The following CFAP20DC variants were observed in gnomAD, a reference collection of about 807,000 sequenced individuals.
CFAP20DC encodes CFAP20 domain containing, also known as protein CFAP20DC.
Under a neutral mutation model 101.7 loss-of-function variants are expected in CFAP20DC, and 84 were observed. The ratio of observed to expected loss-of-function variants is 0.83; its 90% CI spans 0.69 to 0.99. The LOEUF (loss-of-function observed/expected upper bound fraction) is 0.99. Ranked by LOEUF, CFAP20DC falls within the 50% of genes least tolerant of loss-of-function variation. CFAP20DC has a pLI of 0.00. For missense variants in CFAP20DC, 1,007 were observed against 970.3 expected (o/e 1.04, Z -0.50); for synonymous variants, 359 against 351.2 (o/e 1.02, Z -0.25).
intron 4 of CFAP20DC, among the ~76,000 whole-genome samples, chr3:58,991,993 C>A (rs969991198): frequency 1.5e-4 from 23 of 152,280 alleles, no homozygotes; most frequent in African/African-American, 5.5e-4. Flanking sequence ...ACATAGTAAG[C>A]AAACTATTGT....
intron 12 of CFAP20DC, among the ~76,000 whole-genome samples, chr3:58,855,735 A>C (rs552686925): frequency 1.3e-5 from 2 of 151,446 alleles, no homozygotes; most frequent in South Asian, 4.2e-4. Context: ...TATCACAAGA[A>C]GAAAAAACTA....
chr3:58,840,780 T>A (rs1274884423), intron 13 of CFAP20DC, among the ~76,000 whole-genome samples: 1 of 152,258 alleles, frequency 6.6e-6, no homozygotes, highest in Non-Finnish European at 1.5e-5. Flanking sequence ...CTAGGTGTTC[T>A]ACATGCGCTA....
chr3:58,808,580 G>A (rs1466432688), intron 14 of CFAP20DC, among the ~76,000 whole-genome samples: 1 of 152,158 alleles, frequency 6.6e-6, no homozygotes, highest in East Asian at 1.9e-4. Context: ...AACATGGAAA[G>A]GACCAACCAG....
rs116538130 is a variant in CFAP20DC at position 58,748,311 on chromosome 3, C to T, written c.2332+5458G>A. 9.0e-3 allele frequency among the ~76,000 whole-genome samples: 1,377 copies of T among 152,280 alleles called. 10 individuals are homozygous for T. The highest frequency in any genetic ancestry group is 0.013 in the Admixed American group (193 of 15,298). The stretch of plus-strand genomic sequence containing the variant: ...ATCAACGTTGAGCTATGGGAAAATG[C>T]ATCCCAATTCCAGCAAGGAAAGCTG... On this transcript the variant is annotated intron_variant, in intron 16 of 16. Transcript: ENST00000482387.
intron 15 of CFAP20DC, among the ~76,000 whole-genome samples, 169 bp from the exon 16 acceptor site, chr3:58,754,032 T>A (rs2068754537): frequency 6.6e-6 from 1 of 152,164 alleles, no homozygotes; most frequent in South Asian, 2.1e-4. Context: ...TGTAAATTGG[T>A]TAATATGGAG....
chr3:58,950,584 C>T (rs2089985969), intron 4 of CFAP20DC, among the ~76,000 whole-genome samples: 1 of 152,080 alleles, frequency 6.6e-6, no homozygotes, highest in Non-Finnish European at 1.5e-5. Context: ...TGGAACAGAA[C>T]AGAACTCTCA....
intron 6 of CFAP20DC, among the ~76,000 whole-genome samples, chr3:58,902,220 A>G (rs2083208914): frequency 1.3e-5 from 2 of 152,114 alleles, no homozygotes; most frequent in South Asian, 4.1e-4. Context: ...CTGTTTTCAC[A>G]TTTTGGCTAA....
At chr3:58,813,995 T>G (rs887740136) in intron 14 of CFAP20DC, among the ~76,000 whole-genome samples, 3 of 151,900 alleles carry the variant, frequency 2.0e-5, no homozygotes, top group African/African-American at 7.3e-5. Context: ...GCAAAGGGCC[T>G]AACAGGTTCT....
intron 4 of CFAP20DC, among the ~76,000 whole-genome samples, chr3:59,021,460 GC>G (rs2093801278): frequency 6.6e-6 from 1 of 152,044 alleles, no homozygotes; most frequent in African/African-American, 2.4e-5. Context: ...TAATTAAAGA[GC>G]AGTGGAGTGG....
At chr3:59,000,529 G>C (rs961862620) in intron 4 of CFAP20DC, among the ~76,000 whole-genome samples, 3 of 152,166 alleles carry the variant, frequency 2.0e-5, no homozygotes, top group African/African-American at 4.8e-5. Context: ...GTAGACAGGG[G>C]ACTATGAAGA....
intron 4 of CFAP20DC, among the ~76,000 whole-genome samples, chr3:58,965,230 A>G (rs1030196929): frequency 5.9e-5 from 9 of 152,298 alleles, no homozygotes; most frequent in African/African-American, 2.2e-4. Flanking sequence ...AACCCAGTAA[A>G]TGGTGGGAAT....
At position 59,019,077 on chromosome 3, in the gene CFAP20DC, A is replaced by C. The variant is rs1304050239; in HGVS notation, c.278+20480T>G. On this transcript the variant is annotated intron_variant, in intron 4 of 16. Coordinates refer to ENST00000482387, the MANE Select transcript of CFAP20DC (RefSeq NM_001394063.1). ...TTTTCTTTAAGTTTGAAATTACTTC[A>C]AAATAAAAAGTTTTTTAAAAAATTA... 2.6e-5 allele frequency: 4 copies of C among 152,140 alleles called. No homozygotes were observed. In the East Asian group the frequency reaches 7.7e-4, roughly 29 times the overall value. 9.4% of individuals were successfully genotyped at this position (152,140 alleles called of 1,614,324 possible). A position where few individuals can be genotyped will look rare whatever the true frequency, so the allele number is the denominator to read the frequency against.
At chr3:58,770,041 A>T (rs758808895) in intron 15 of CFAP20DC, among the ~76,000 whole-genome samples, 19 of 152,198 alleles carry the variant, frequency 1.2e-4, no homozygotes, top group Non-Finnish European at 2.5e-4. Flanking sequence ...TCTCTGCAGA[A>T]TATCTTTCTA....
At chr3:58,842,011 T>C (rs951701578) in intron 13 of CFAP20DC, among the ~76,000 whole-genome samples, 8 of 152,210 alleles carry the variant, frequency 5.3e-5, no homozygotes, top group African/African-American at 7.2e-5. Context: ...ACCCAGAGGG[T>C]TGTACTTCTT....
chr3:58,768,659 A>T (rs2070555944), intron 15 of CFAP20DC, among the ~76,000 whole-genome samples: 1 of 152,172 alleles, frequency 6.6e-6, no homozygotes, highest in Non-Finnish European at 1.5e-5. Flanking sequence ...TTTTACGGTA[A>T]AATCCCAAAT....
At chr3:58,937,620 T>C (rs1381485146) in intron 5 of CFAP20DC, 28 bp downstream of exon 5, 3 of 1,317,848 alleles carry the variant, frequency 2.3e-6, no homozygotes, top group Admixed American at 3.4e-5. Context: ...GAATTTAATA[T>C]TTTAGGCAAC....
At chr3:58,968,700 CTCT>C (rs1348899814) in intron 4 of CFAP20DC, among the ~76,000 whole-genome samples, 3 of 152,130 alleles carry the variant, frequency 2.0e-5, no homozygotes, top group African/African-American at 7.2e-5. Flanking sequence ...TGTGCAGAAG[CTCT>C]TAAGGTTAAT....
At chr3:58,809,198 G>A (rs967206600) in intron 14 of CFAP20DC, among the ~76,000 whole-genome samples, 27 of 151,982 alleles carry the variant, frequency 1.8e-4, no homozygotes, top group African/African-American at 4.8e-4. Flanking sequence ...TGCACCAAGC[G>A]GACCTAATAG....
At chr3:58,762,915 T>A (rs1353880426) in intron 15 of CFAP20DC, among the ~76,000 whole-genome samples, 2 of 152,246 alleles carry the variant, frequency 1.3e-5, no homozygotes, top group African/African-American at 4.8e-5. Context: ...CAGCTGTTAG[T>A]CTGATGGGCT....
Sources: gnomAD v4.1 joint callset for allele counts (sites outside exome capture counted in the v4.1 genomes callset) on GRCh38, gnomAD v4.1.1 for gene constraint, MANE v1.5 for transcripts, NCBI Gene and HGNC (gene_info 2026-07-23, HGNC 2026-07-21) for gene names.